Variants in OR2L5 observed in about 807,000 individuals in gnomAD.
The protein encoded by OR2L5 is olfactory receptor 2L5.
For synonymous variants in OR2L5, 169 were observed against 142.0 expected (o/e 1.19, Z -1.35); for missense variants, 413 against 381.6 (o/e 1.08, Z -0.69).
intron 1 of OR2L5, among the ~76,000 whole-genome samples, chr1:248,020,264 T>C (rs559082739): frequency 1.3e-5 from 2 of 152,256 alleles, no homozygotes; most frequent in South Asian, 2.1e-4. Flanking sequence ...AGCATCCAAA[T>C]TGGTAATGAG....
At chr1:248,020,923 C>T (rs2103077394) in intron 1 of OR2L5, among the ~76,000 whole-genome samples, 1 of 150,984 alleles carries the variant, frequency 6.6e-6, no homozygotes, top group East Asian at 2.0e-4. Flanking sequence ...ACATATGTGA[C>T]TTGGAATTAT....
At chr1:248,021,407 C>T (rs1364979301) in intron 1 of OR2L5, among the ~76,000 whole-genome samples, 1 of 152,048 alleles carries the variant, frequency 6.6e-6, no homozygotes, top group Non-Finnish European at 1.5e-5. Flanking sequence ...ATAAGTAGTC[C>T]CCTCTTATCC....
rs761480237 is a variant in OR2L5 at position 248,022,232 on chromosome 1, G to A, written c.285G>A (p.Gly95=). The A allele has an allele frequency of 2.1e-5, 34 of 1,614,014 alleles. No homozygotes were observed. Among genetic ancestry groups the A allele is most frequent in the African/African-American group, 4.0e-5 (3 of 74,902 alleles). Residue 95 remains glycine, a synonymous_variant, in exon 2 of 2, where the codon GGG becomes GGA. Coordinates refer to ENST00000355281, the MANE Select transcript of OR2L5 (RefSeq NM_001258284.2). ...GAAACAAGTCTATCTCCTTCATTGG[G>A]TGTGGGATTCAGAGTTTCTTCTTCA... The part of the protein sequence containing the change: ...LYGNKSISFI[G]CGIQSFFFMT...
At position 248,013,670 on chromosome 1, in the gene OR2L5, A is replaced by G. The variant is rs1429148479; in HGVS notation, c.-90A>G. The stretch of plus-strand genomic sequence containing the variant: ...TGCTTAGAAAAATGACTTTGTTCAT[A>G]TGATGACTATACGACTGCTGGCAGC... On this transcript the variant is annotated 5_prime_UTR_variant, in exon 1 of 2. It adds an upstream start codon to the 5' untranslated region. Transcript: ENST00000355281. The G allele has an allele frequency of 6.6e-6, 1 of 152,192 alleles. No homozygotes were observed. Among genetic ancestry groups the G allele is most frequent in the African/African-American group, 2.4e-5 (1 of 41,444 alleles). The allele number at this position is 152,192 out of a possible 1,614,324, so 9.4% of individuals were successfully genotyped here.
At chr1:248,021,379 C>CA (rs1194240868) in intron 1 of OR2L5, among the ~76,000 whole-genome samples, 1 of 152,088 alleles carries the variant, frequency 6.6e-6, no homozygotes, top group Non-Finnish European at 1.5e-5. Flanking sequence ...TTTTTAAAAA[C>CA]AATTGGCTTA....
rs949093018 is a variant in OR2L5, at chr1:248,022,772, T to C, written c.825T>C (p.Val275=). The change falls in exon 2 of 2, where the codon GTT becomes GTC. Residue 275 remains valine, a synonymous_variant. Transcript: ENST00000355281. The part of the protein sequence containing the change: ...RSLTEDKVLA[V]FYTILTPMLN... ...TGACAGAGGACAAGGTTCTGGCTGT[T>C]TTCTACACCATCCTCACCCCAATGC... is the stretch of plus-strand genomic sequence containing the variant. 13 of 1,614,018 alleles carry C rather than the reference T, an allele frequency of 8.1e-6. No homozygotes were observed. Among genetic ancestry groups the C allele is most frequent in the Admixed American group, 3.3e-5 (2 of 59,994 alleles).
chr1:248,016,405 T>G (rs1378890078), intron 1 of OR2L5, among the ~76,000 whole-genome samples: 1 of 152,170 alleles, frequency 6.6e-6, no homozygotes, highest in Admixed American at 6.5e-5. Flanking sequence ...GAAATCTTCT[T>G]TCTTTGAAAA....
At chr1:248,016,822 T>A (rs1282541962) in intron 1 of OR2L5, among the ~76,000 whole-genome samples, 1 of 152,134 alleles carries the variant, frequency 6.6e-6, no homozygotes, top group African/African-American at 2.4e-5. Flanking sequence ...TAGGCATATG[T>A]GTGTTTGTGT....
rs749758671 is a variant in OR2L5 at position 248,022,827 on chromosome 1, A to T, written c.880A>T (p.Lys294Ter). Residue 294 changes from lysine to a stop codon, truncating the protein, a stop_gained, in exon 2 of 2, where the codon AAG becomes TAG. Transcript: ENST00000355281. LOFTEE classifies it low-confidence loss of function (END_TRUNC). The part of the protein sequence containing the change: ...LNPIIYSLRN[K>*]EVMGALTRVI... ...CCCCATCATCTACAGCCTGAGAAAC[A>T]AGGAGGTGATGGGGGCCCTGACACG... 5.3e-5 allele frequency: 81 copies of T among 1,530,106 alleles called. No individual in the cohort carries two copies. The highest frequency in any genetic ancestry group is 7.1e-5 in the Non-Finnish European group (79 of 1,109,876). The allele number at this position is 1,530,106 out of a possible 1,614,324, so 94.8% of individuals were successfully genotyped here. A position where few individuals can be genotyped will look rare whatever the true frequency, so the allele number is the denominator to read the frequency against.
chr1:248,018,641 GTAAA>G (rs1376298258), intron 1 of OR2L5, among the ~76,000 whole-genome samples: 1 of 152,142 alleles, frequency 6.6e-6, no homozygotes, highest in Non-Finnish European at 1.5e-5. Flanking sequence ...TTTAATTAGA[GTAAA>G]TATACTTAAG....
Position 248,022,476 on chromosome 1 carries a change from T to A in OR2L5, c.529T>A (p.Phe177Ile), listed in dbSNP as rs188590932. 1.7e-4 allele frequency: 269 copies of A among 1,614,226 alleles called. No homozygotes were observed. The African/African-American group carries it at 3.0e-3, about 18-fold the overall frequency. The change falls in exon 2 of 2, where the codon TTC becomes ATC. Residue 177 changes from phenylalanine (F) to isoleucine (I), a missense_variant. Phe to Ile is a conservative substitution (Grantham distance 21). Transcript: ENST00000355281. Reference sequence around the variant, plus strand: ...CAAGTCCAGAGCCATCAATCATTTTTTCTGTGATGTTCCAGCTATGTTGAC... The same window carrying A: ...CAAGTCCAGAGCCATCAATCATTTTATCTGTGATGTTCCAGCTATGTTGAC... ...YCKSRAINHF[F>I]CDVPAMLTLA...
intron 1 of OR2L5, among the ~76,000 whole-genome samples, chr1:248,020,479 C>G (rs1235252843): frequency 6.6e-6 from 1 of 152,172 alleles, no homozygotes; most frequent in Non-Finnish European, 1.5e-5. Flanking sequence ...ACAGAATACA[C>G]ATCCTGCTGG....
intron 1 of OR2L5, 120 bp from the exon 2 acceptor site, chr1:248,021,805 AAT>A: frequency 1.8e-6 from 1 of 566,270 alleles, no homozygotes. Flanking sequence ...GGATATAAAA[AAT>A]AGTGTATATA....
intron 1 of OR2L5, among the ~76,000 whole-genome samples, chr1:248,019,770 T>C (rs1342709205): frequency 6.6e-6 from 1 of 151,444 alleles, no homozygotes; most frequent in Non-Finnish European, 1.5e-5. Context: ...TCTTCTTCTT[T>C]GTCTTGTTCT....
chr1:248,020,117 T>C (rs1662299639), intron 1 of OR2L5, among the ~76,000 whole-genome samples: 1 of 152,166 alleles, frequency 6.6e-6, no homozygotes, highest in Non-Finnish European at 1.5e-5. Context: ...TGTCTGGCTT[T>C]ATACCAATGC....
At chr1:248,018,152 C>CAAA (rs574012485) in intron 1 of OR2L5, among the ~76,000 whole-genome samples, 7 of 139,956 alleles carry the variant, frequency 5.0e-5, no homozygotes, top group East Asian at 2.0e-4. Context: ...GACTCCATCT[C>CAAA]AAAAAAATAA....
chr1:248,022,000 C>T lies in OR2L5; in HGVS notation c.53C>T (p.Pro18Leu). 1 of 1,613,848 alleles carries T rather than the reference C, an allele frequency of 6.2e-7. No individual in the cohort carries two copies. The highest frequency in any genetic ancestry group is 8.5e-7 in the Non-Finnish European group (1 of 1,179,836). Residue 18 changes from proline (P) to leucine (L), a missense_variant, in exon 2 of 2, where the codon CCA (proline) becomes CTA (leucine). Transcript: ENST00000355281. Reference sequence around the variant, plus strand: ...GATTTCATCTTATTGGGGCTGTTCCCACCATCAAAAATTGGCCTTTTCCTC... The same window carrying T: ...GATTTCATCTTATTGGGGCTGTTCCTACCATCAAAAATTGGCCTTTTCCTC... ...STDFILLGLF[P>L]PSKIGLFLFI... is the part of the protein sequence containing the mutation.
chr1:248,018,110 A>C (rs888563568), intron 1 of OR2L5, among the ~76,000 whole-genome samples: 11 of 150,894 alleles, frequency 7.3e-5, no homozygotes, highest in African/African-American at 2.0e-4. Context: ...AGCCGAGATC[A>C]CACCACTGCA....
chr1:248,016,701 T>C (rs1662205812), intron 1 of OR2L5, among the ~76,000 whole-genome samples: 1 of 151,930 alleles, frequency 6.6e-6, no homozygotes, highest in Non-Finnish European at 1.5e-5. Flanking sequence ...TTTTTAAACG[T>C]GTATATAAAT....
Sources: allele counts gnomAD v4.1 joint callset (sites outside exome capture counted in the v4.1 genomes callset), GRCh38; gene constraint gnomAD v4.1.1; transcripts MANE v1.5; gene names NCBI Gene and HGNC (gene_info 2026-07-23, HGNC 2026-07-21).